ERP44: variants seen among roughly 807,000 people sequenced by gnomAD.
ERP44 encodes the protein endoplasmic reticulum resident protein 44.
Under a neutral mutation model 53.4 loss-of-function variants are expected in ERP44, and 25 were observed. The observed-to-expected ratio is 0.47, with a 90% CI of 0.34 to 0.65. The LOEUF (loss-of-function observed/expected upper bound fraction) is 0.65. Ranked by LOEUF, ERP44 falls within the 30% of genes least tolerant of loss-of-function variation. The pLI is 0.01. For missense variants in ERP44, 338 were observed against 493.2 expected (o/e 0.69, Z 2.98); for synonymous variants, 145 against 161.2 (o/e 0.90, Z 0.76).
At chr9:100,096,877 T>C (rs905797804) in intron 1 of ERP44, among the ~76,000 whole-genome samples, 3 of 152,154 alleles carry the variant, frequency 2.0e-5, no homozygotes, top group Non-Finnish European at 2.9e-5. Flanking sequence ...GTTCCATCAG[T>C]AGGAGAGAAT....
chr9:100,059,656 A>G (rs1476188680), intron 2 of ERP44, among the ~76,000 whole-genome samples: 2 of 152,158 alleles, frequency 1.3e-5, no homozygotes, highest in African/African-American at 4.8e-5. Context: ...TTATCATGCC[A>G]CTGCACTCCA....
chr9:99,986,900 T>C (rs1436124444), intron 10 of ERP44, among the ~76,000 whole-genome samples: 1 of 152,226 alleles, frequency 6.6e-6, no homozygotes, highest in Non-Finnish European at 1.5e-5. Context: ...CCACAGCAAG[T>C]GCTAAAATAT....
intron 2 of ERP44, 73 bp downstream of exon 2, chr9:100,060,025 GTT>G (rs926010879): frequency 2.9e-6 from 3 of 1,049,824 alleles, no homozygotes; most frequent in African/African-American, 1.7e-5. Context: ...ATTTTATTGG[GTT>G]TTTTTTTTGT....
chr9:100,004,857 ATGT>A (rs1830412154), intron 10 of ERP44, among the ~76,000 whole-genome samples: 1 of 152,140 alleles, frequency 6.6e-6, no homozygotes, highest in African/African-American at 2.4e-5. Context: ...CATCTTGCTG[ATGT>A]CCATTGAGAT....
At chr9:100,055,876 C>T (rs538315875) in intron 3 of ERP44, among the ~76,000 whole-genome samples, 43 of 152,214 alleles carry the variant, frequency 2.8e-4, no homozygotes, top group Non-Finnish European at 4.9e-4. Flanking sequence ...AACTGTGCCA[C>T]ATCCATAACT....
At chr9:100,054,773 G>A (rs761244765) in intron 3 of ERP44, among the ~76,000 whole-genome samples, 1 of 152,056 alleles carries the variant, frequency 6.6e-6, no homozygotes, top group Admixed American at 6.6e-5. Context: ...ACCAAAAGAC[G>A]AAAAGGGAAA....
intron 4 of ERP44, among the ~76,000 whole-genome samples, chr9:100,031,386 G>A (rs1587968811): frequency 6.6e-6 from 1 of 152,192 alleles, no homozygotes; most frequent in Non-Finnish European, 1.5e-5. Flanking sequence ...GACTGCTCTA[G>A]CCTCCTTCAG....
At chr9:100,066,583 C>CA (rs1826211602) in intron 1 of ERP44, among the ~76,000 whole-genome samples, 2 of 152,216 alleles carry the variant, frequency 1.3e-5, no homozygotes, top group African/African-American at 2.4e-5. Context: ...TCTCCTATAG[C>CA]AAAAAACAAG....
intron 4 of ERP44, among the ~76,000 whole-genome samples, chr9:100,038,236 A>C (rs1040050898): frequency 2.6e-5 from 4 of 152,200 alleles, no homozygotes; most frequent in African/African-American, 7.2e-5. Context: ...CGGTGTGTCA[A>C]CTACTTTTAA....
intron 4 of ERP44, among the ~76,000 whole-genome samples, chr9:100,037,792 A>G (rs917079092): frequency 4.6e-5 from 7 of 152,144 alleles, no homozygotes; most frequent in African/African-American, 1.4e-4. Flanking sequence ...GACAGGATTC[A>G]TCACCTGCTT....
chr9:100,088,464 C>T (rs764875625), intron 1 of ERP44, among the ~76,000 whole-genome samples: 3 of 152,298 alleles, frequency 2.0e-5, no homozygotes, highest in South Asian at 2.1e-4. Flanking sequence ...TCACCTGTCC[C>T]GTGATGCTTA....
rs141037894 is a variant in ERP44 at position 99,994,215 on chromosome 9, C to T, written c.1017-9146G>A. ...GACACATGCACACATATGTTAATCG[C>T]GGCACTATTCACAATAGCAAAGACT... On this transcript the variant is annotated intron_variant, in intron 10 of 11. Transcript: ENST00000262455. 1.5e-3 allele frequency among the ~76,000 whole-genome samples: 222 copies of T among 152,202 alleles called. 1 individual carries two copies. Among genetic ancestry groups the T allele is most frequent in the African/African-American group, 4.6e-3 (193 of 41,512 alleles).
At chr9:100,092,096 A>G (rs921004624) in intron 1 of ERP44, among the ~76,000 whole-genome samples, 15 of 152,252 alleles carry the variant, frequency 9.9e-5, no homozygotes, top group Admixed American at 6.5e-5. Flanking sequence ...AAGAAAAATA[A>G]TAACAAAGAT....
At chr9:100,044,750 C>T (rs1825949399) in intron 4 of ERP44, among the ~76,000 whole-genome samples, 1 of 152,088 alleles carries the variant, frequency 6.6e-6, no homozygotes, top group Non-Finnish European at 1.5e-5. Flanking sequence ...CTAGCTTTTT[C>T]CTTAATCAAT....
intron 4 of ERP44, among the ~76,000 whole-genome samples, chr9:100,026,598 T>G (rs1392556098): frequency 1.3e-5 from 2 of 152,202 alleles, no homozygotes; most frequent in African/African-American, 4.8e-5. Flanking sequence ...CCAGATAACA[T>G]TTTGTCTTTC....
At chr9:100,085,628 A>G (rs1826470957) in intron 1 of ERP44, among the ~76,000 whole-genome samples, 1 of 152,210 alleles carries the variant, frequency 6.6e-6, no homozygotes, top group Non-Finnish European at 1.5e-5. Flanking sequence ...GGCTGGGTGC[A>G]GTGGCTCACG....
At chr9:100,067,162 CCTCTCG>C (rs372250441) in intron 1 of ERP44, among the ~76,000 whole-genome samples, 1,951 of 151,992 alleles carry the variant, frequency 0.013, 33 homozygotes, top group African/African-American at 0.045. Context: ...TCTCGCTCTC[CCTCTCG>C]CTCTCCCTCT....
rs774140278 is a variant in ERP44 at position 100,018,300 on chromosome 9, G to A, written c.601C>T (p.Pro201Ser). ...FLSAFGDVSK[P>S]ERYSGDNIIY... Reference sequence around the variant, plus strand: ...ATGTTGTCGCCACTATATCTTTCCGGTTTTGAAACATCCCTATAGGAAGGG... The same window carrying A: ...ATGTTGTCGCCACTATATCTTTCCGATTTTGAAACATCCCTATAGGAAGGG... Residue 201 changes from proline to serine, a missense_variant, in exon 7 of 12, where the codon CCG becomes TCG. By Grantham distance (74) the Pro-to-Ser change is moderately conservative. Around this residue, in one of 3 missense-constraint regions of ERP44, gnomAD observed 224 missense variants for 301.4 expected, o/e 0.74. Transcript: ENST00000262455. The A allele has an allele frequency of 1.6e-5, 26 of 1,604,166 alleles. No individual in the cohort carries two copies. Among genetic ancestry groups the A allele is most frequent in the Non-Finnish European group, 2.0e-5 (23 of 1,171,312 alleles).
chr9:100,051,156 T>C (rs1826032325), intron 4 of ERP44, among the ~76,000 whole-genome samples: 1 of 151,972 alleles, frequency 6.6e-6, no homozygotes, highest in Admixed American at 6.6e-5. Context: ...AAATATGGGG[T>C]GGGGCTCAGA....
Sources: allele counts gnomAD v4.1 joint callset (sites outside exome capture counted in the v4.1 genomes callset), GRCh38; gene constraint gnomAD v4.1.1; regional missense constraint gnomAD v4.1.1; transcripts MANE v1.5; gene names NCBI Gene and HGNC (gene_info 2026-07-23, HGNC 2026-07-21).